AR: variants seen among roughly 807,000 people sequenced by gnomAD.
AR encodes androgen receptor, also known as dihydrotestosterone receptor.
In AR, 8 loss-of-function variants were observed where a neutral mutation model predicts 53.9. The ratio of observed to expected loss-of-function variants is 0.15; its 90% CI spans 0.09 to 0.27. The LOEUF is 0.27. AR is among the 10% of genes least tolerant of loss of function. The pLI is 1.00. For synonymous variants in AR, 359 were observed against 316.4 expected (o/e 1.13, Z -1.43); for missense variants, 639 against 742.5 (o/e 0.86, Z 1.62).
At chrX:67,610,649 A>G (rs892608226) in intron 1 of AR, among the ~76,000 whole-genome samples, 7 of 111,642 alleles carry the variant, frequency 6.3e-5, no homozygotes, top group Non-Finnish European at 1.1e-4. Flanking sequence ...AATAGACCTT[A>G]TATATGCTTT....
chrX:67,701,185 T>G (rs751897796), intron 3 of AR, among the ~76,000 whole-genome samples: 3 of 111,663 alleles, frequency 2.7e-5, no homozygotes, highest in Non-Finnish European at 5.6e-5. Flanking sequence ...TTTTTTAATG[T>G]TGTAATTAAT....
intron 1 of AR, among the ~76,000 whole-genome samples, chrX:67,582,894 A>G (rs1401191236): frequency 8.9e-6 from 1 of 112,120 alleles, no homozygotes; most frequent in East Asian, 2.8e-4. Context: ...TAAAACATGG[A>G]TTAAAAGTGA....
intron 2 of AR, among the ~76,000 whole-genome samples, chrX:67,683,615 C>G (rs2075949057): frequency 8.9e-6 from 1 of 112,663 alleles, no homozygotes; most frequent in African/African-American, 3.2e-5. Context: ...ACTGCTCTTT[C>G]TCTCATCTGG....
At chrX:67,626,994 T>C (rs1453083618) in intron 1 of AR, among the ~76,000 whole-genome samples, 1 of 105,781 alleles carries the variant, frequency 9.5e-6, no homozygotes, top group African/African-American at 3.5e-5. Flanking sequence ...TATTCCATGG[T>C]GTATATGTGC....
intron 1 of AR, among the ~76,000 whole-genome samples, chrX:67,580,647 A>G (rs1002514007): frequency 4.5e-5 from 5 of 111,527 alleles, no homozygotes; most frequent in Non-Finnish European, 9.4e-5. Context: ...TCTCCCTTCA[A>G]AGAAGCCTTC....
At chrX:67,710,984 C>T (rs1173763590) in intron 3 of AR, among the ~76,000 whole-genome samples, 1 of 112,203 alleles carries the variant, frequency 8.9e-6, no homozygotes, top group African/African-American at 3.2e-5. Flanking sequence ...CCAGACTGGG[C>T]CAGGGCCTGT....
chrX:67,634,091 A>G (rs1463585581), intron 1 of AR, among the ~76,000 whole-genome samples: 1 of 111,750 alleles, frequency 8.9e-6, no homozygotes, highest in African/African-American at 3.3e-5. Flanking sequence ...AAGCTATAAC[A>G]GAAATATTAT....
intron 2 of AR, among the ~76,000 whole-genome samples, chrX:67,656,623 TCTTA>T: frequency 8.9e-6 from 1 of 111,971 alleles, no homozygotes; most frequent in East Asian, 2.8e-4. Context: ...TAGTAGATAC[TCTTA>T]CTACTACCCT....
chrX:67,604,225 TG>T (rs1384958611), intron 1 of AR, among the ~76,000 whole-genome samples: 2 of 105,721 alleles, frequency 1.9e-5, no homozygotes, highest in Non-Finnish European at 3.9e-5. Context: ...TGTGTGTGTG[TG>T]TGTGTGTGTG....
intron 1 of AR, among the ~76,000 whole-genome samples, chrX:67,585,390 A>T (rs140680286): frequency 0.021 from 2,394 of 111,836 alleles, 68 homozygotes; most frequent in African/African-American, 0.073. Context: ...TGTGGGGTGG[A>T]AATGTGAAGT....
chrX:67,700,699 C>T (rs1299345717), intron 3 of AR, among the ~76,000 whole-genome samples: 2 of 111,537 alleles, frequency 1.8e-5, no homozygotes, highest in African/African-American at 3.3e-5. Context: ...GAATACCAGC[C>T]AAGTTCTCAT....
intron 1 of AR, among the ~76,000 whole-genome samples, chrX:67,597,223 C>T (rs893787935): frequency 8.9e-6 from 1 of 112,014 alleles, no homozygotes; most frequent in Non-Finnish European, 1.9e-5. Flanking sequence ...GCAAAAGCAG[C>T]TATACACAAT....
intron 1 of AR, among the ~76,000 whole-genome samples, chrX:67,585,148 C>G (rs770462880): frequency 4.6e-5 from 5 of 108,067 alleles, no homozygotes; most frequent in Non-Finnish European, 1.9e-5. Flanking sequence ...CCCAGCTACT[C>G]AGGAGGCTGA....
At chrX:67,687,490 T>C (rs769797808) in intron 3 of AR, among the ~76,000 whole-genome samples, 2 of 111,949 alleles carry the variant, frequency 1.8e-5, no homozygotes, top group South Asian at 7.5e-4. Context: ...CAAATGAGAC[T>C]CAGATATCTG....
intron 2 of AR, among the ~76,000 whole-genome samples, chrX:67,653,659 G>T (rs769262091): frequency 6.3e-5 from 7 of 111,302 alleles, no homozygotes; most frequent in Non-Finnish European, 1.1e-4. Flanking sequence ...TTTGTACCTT[G>T]CTCCCTCCGC....
At position 67,723,690 on chromosome X, in the gene AR, C is replaced by T. The variant is rs143040492; in HGVS notation, c.2612C>T (p.Ala871Val). ...CCCTCTTATTGTTCCCTACAGATTG[C>T]GAGAGAGCTGCATCAGTTCACTTTT... Reference protein sequence around the residue: ...TKLLDSVQPIARELHQFTFDL... With the variant: ...TKLLDSVQPIVRELHQFTFDL... The change falls in exon 8 of 8, where the codon GCG becomes GTG. Residue 871 changes from alanine (A) to valine (V), a missense_variant. By Grantham distance (64) the Ala-to-Val change is moderately conservative. Transcript: ENST00000374690. 1.8e-5 allele frequency: 22 copies of T among 1,207,648 alleles called. No homozygotes were observed. Among genetic ancestry groups the T allele is most frequent in the African/African-American group, 3.5e-5 (2 of 56,577 alleles).
intron 2 of AR, among the ~76,000 whole-genome samples, chrX:67,657,146 T>C (rs1445374807): frequency 9.0e-6 from 1 of 111,382 alleles, no homozygotes; most frequent in Admixed American, 9.6e-5. Flanking sequence ...GAAATGAATT[T>C]ATTTCATTTT....
At chrX:67,695,688 C>T (rs2076016399) in intron 3 of AR, 15 of 749,478 alleles carry the variant, frequency 2.0e-5, no homozygotes, top group Non-Finnish European at 2.0e-5. Flanking sequence ...CAGAAGGACT[C>T]TCCCTGACTT....
intron 2 of AR, among the ~76,000 whole-genome samples, chrX:67,669,513 C>T (rs1479648322): frequency 9.0e-6 from 1 of 111,679 alleles, no homozygotes; most frequent in Non-Finnish European, 1.9e-5. Context: ...AATGTATATT[C>T]TGCAGCCATT....
Sources: allele counts gnomAD v4.1 joint callset (sites outside exome capture counted in the v4.1 genomes callset), GRCh38; gene constraint gnomAD v4.1.1; transcripts MANE v1.5; gene names NCBI Gene and HGNC (gene_info 2026-07-23, HGNC 2026-07-21).